The following BACH2 variants were observed in gnomAD, a reference collection of about 807,000 sequenced individuals.
The protein encoded by BACH2 is BACH transcriptional regulator 2.
In BACH2, 5 loss-of-function variants were observed where a neutral mutation model predicts 61.8. The ratio of observed to expected loss-of-function variants is 0.08; its 90% CI spans 0.04 to 0.17. The LOEUF is 0.17. BACH2 is among the 10% of genes least tolerant of loss of function. BACH2 has a pLI of 1.00. For missense variants in BACH2, 824 were observed against 1,091.1 expected (o/e 0.76, Z 3.45); for synonymous variants, 446 against 440.1 (o/e 1.01, Z -0.17).
chr6:90,031,255 T>A (rs1013437620), intron 5 of BACH2, among the ~76,000 whole-genome samples: 14 of 152,036 alleles, frequency 9.2e-5, no homozygotes, highest in Non-Finnish European at 1.8e-4. Flanking sequence ...TCATACTGAA[T>A]GGGCAAAAAC....
At chr6:89,942,039 A>C (rs1241774621) in intron 7 of BACH2, among the ~76,000 whole-genome samples, 4 of 98,480 alleles carry the variant, frequency 4.1e-5, no homozygotes, top group African/African-American at 1.6e-4. Flanking sequence ...GGGTCAGAGG[A>C]AAAGGTAATG....
chr6:90,057,403 T>C (rs984838870), intron 5 of BACH2, among the ~76,000 whole-genome samples: 21 of 152,014 alleles, frequency 1.4e-4, no homozygotes, highest in Non-Finnish European at 2.2e-4. Context: ...GACACATACA[T>C]CCTCCCAAGA....
At chr6:90,252,978 C>T (rs890069416) in intron 2 of BACH2, among the ~76,000 whole-genome samples, 1 of 152,210 alleles carries the variant, frequency 6.6e-6, no homozygotes, top group African/African-American at 2.4e-5. Flanking sequence ...GGTGCAGTGG[C>T]TCACGCCTAT....
chr6:89,972,303 T>A (rs1044277801), intron 6 of BACH2, among the ~76,000 whole-genome samples: 2 of 151,912 alleles, frequency 1.3e-5, no homozygotes, highest in Non-Finnish European at 2.9e-5. Context: ...GTCACAGAAG[T>A]CCAGGCAAGC....
intron 6 of BACH2, among the ~76,000 whole-genome samples, chr6:89,963,670 A>G (rs1431604625): frequency 6.6e-6 from 1 of 152,204 alleles, no homozygotes; most frequent in Non-Finnish European, 1.5e-5. Context: ...AAAATTACAA[A>G]TAGAACTACC....
rs9451348 is a variant in BACH2, at chr6:90,083,804, T to C, written c.-13+5157A>G. 2.3e-3 allele frequency among the ~76,000 whole-genome samples: 356 copies of C among 152,306 alleles called. 2 individuals carry two copies. Among genetic ancestry groups the C allele is most frequent in the African/African-American group, 8.1e-3 (335 of 41,584 alleles). On this transcript the variant is annotated intron_variant, in intron 5 of 8. Coordinates refer to ENST00000257749, the MANE Select transcript of BACH2 (RefSeq NM_021813.4). ...TTAGATTATTATTAAAGCATGGAAATAGGTATACTAAAACCTCAGTTAATT... is the reference window on the plus strand; with the variant it reads ...TTAGATTATTATTAAAGCATGGAAACAGGTATACTAAAACCTCAGTTAATT...
chr6:90,160,178 A>C (rs1173334063), intron 4 of BACH2, among the ~76,000 whole-genome samples: 4 of 152,260 alleles, frequency 2.6e-5, no homozygotes, highest in Non-Finnish European at 5.9e-5. Flanking sequence ...GGGAACCGTC[A>C]TCACAGACAT....
chr6:89,997,495 T>C (rs896353343), intron 6 of BACH2, among the ~76,000 whole-genome samples: 2 of 152,188 alleles, frequency 1.3e-5, no homozygotes, highest in Non-Finnish European at 2.9e-5. Context: ...ACTTGGCAGA[T>C]ATAAGAAACA....
Position 89,983,483 on chromosome 6 carries a change from A to G in BACH2, c.243+25119T>C, listed in dbSNP as rs374149623. ...CAGGAGTTCGAGACCAGCCTGGCCAATGTGGTGAAACGCTGTCTCTACTAA... is the reference window on the plus strand; with the variant it reads ...CAGGAGTTCGAGACCAGCCTGGCCAGTGTGGTGAAACGCTGTCTCTACTAA... On this transcript the variant is annotated intron_variant, in intron 6 of 8. Coordinates refer to ENST00000257749, the MANE Select transcript of BACH2 (RefSeq NM_021813.4). Among the ~76,000 whole-genome samples the G allele has an allele frequency of 4.6e-5, 7 of 152,310 alleles. No homozygotes were observed. In the South Asian group the frequency reaches 6.2e-4, roughly 14 times the overall value.
intron 4 of BACH2, among the ~76,000 whole-genome samples, chr6:90,105,522 A>C (rs546592801): frequency 1.3e-5 from 2 of 152,364 alleles, no homozygotes; most frequent in South Asian, 4.1e-4. Context: ...ACGGCAAGTA[A>C]GGACCAAAAC....
At chr6:90,060,823 C>T (rs1245847707) in intron 5 of BACH2, among the ~76,000 whole-genome samples, 4 of 152,166 alleles carry the variant, frequency 2.6e-5, no homozygotes, top group Non-Finnish European at 4.4e-5. Flanking sequence ...TCTAGAATCC[C>T]AGGCTTAAAC....
At chr6:90,115,403 C>CA (rs1190251470) in intron 4 of BACH2, among the ~76,000 whole-genome samples, 2 of 151,996 alleles carry the variant, frequency 1.3e-5, no homozygotes, top group Non-Finnish European at 2.9e-5. Flanking sequence ...ACAAAGCTGA[C>CA]AAAAACAAGC....
chr6:90,239,444 C>T (rs1770363320), intron 3 of BACH2, among the ~76,000 whole-genome samples: 1 of 152,168 alleles, frequency 6.6e-6, no homozygotes, highest in Admixed American at 6.5e-5. Flanking sequence ...CTGAAAATGT[C>T]ATGGGTGAAC....
intron 1 of BACH2, among the ~76,000 whole-genome samples, chr6:90,292,214 T>A (rs1170972304): frequency 6.6e-6 from 1 of 152,210 alleles, no homozygotes; most frequent in East Asian, 1.9e-4. Flanking sequence ...CAACATGAGA[T>A]TAGTTCTTCC....
intron 6 of BACH2, among the ~76,000 whole-genome samples, chr6:89,997,483 C>T (rs535411295): frequency 6.6e-6 from 1 of 152,268 alleles, no homozygotes; most frequent in East Asian, 1.9e-4. Context: ...TACTACAGAT[C>T]CACTTGGCAG....
At chr6:90,253,793 A>G (rs1056570271) in intron 2 of BACH2, among the ~76,000 whole-genome samples, 2 of 152,208 alleles carry the variant, frequency 1.3e-5, no homozygotes, top group African/African-American at 4.8e-5. Flanking sequence ...TTCATATTTG[A>G]CCTGAAGTTG....
intron 6 of BACH2, among the ~76,000 whole-genome samples, chr6:89,974,974 G>T (rs1380141708): frequency 6.6e-6 from 1 of 152,236 alleles, no homozygotes; most frequent in Non-Finnish European, 1.5e-5. Context: ...AGTGCGGAAA[G>T]TGGAGTGGAT....
intron 4 of BACH2, among the ~76,000 whole-genome samples, chr6:90,150,172 C>T (rs529383206): frequency 1.7e-4 from 26 of 152,232 alleles, no homozygotes; most frequent in African/African-American, 6.0e-4. Context: ...CAAGCCCACC[C>T]CTGCAGCGTC....
intron 4 of BACH2, among the ~76,000 whole-genome samples, chr6:90,095,804 T>C (rs1782360683): frequency 6.6e-6 from 1 of 151,926 alleles, no homozygotes; most frequent in African/African-American, 2.4e-5. Context: ...ACTGCCGCCT[T>C]CATCATCTCC....
Sources: gnomAD v4.1 joint callset for allele counts (sites outside exome capture counted in the v4.1 genomes callset) on GRCh38, gnomAD v4.1.1 for gene constraint, MANE v1.5 for transcripts, NCBI Gene and HGNC (gene_info 2026-07-23, HGNC 2026-07-21) for gene names.